The following CNBD1 variants were observed in gnomAD, a reference collection of about 807,000 sequenced individuals.
CNBD1 encodes the protein cyclic nucleotide-binding domain-containing protein 1.
A neutral mutation model predicts 54.4 loss-of-function variants in CNBD1; 71 were observed. That is an observed-to-expected ratio of 1.30 (90% CI 1.08 to 1.59). CNBD1 has a LOEUF of 1.59. CNBD1 is among the 40% of genes most tolerant of loss of function. The probability of loss-of-function intolerance (pLI) is 0.00; values close to 1 mark genes in which losing one functional copy is unlikely to be tolerated. For missense variants in CNBD1, 659 were observed against 518.0 expected, an observed-to-expected ratio of 1.27 and a Z score of -2.64; for synonymous variants, 182 against 170.7, an observed-to-expected ratio of 1.07 and a Z score of -0.51.
chr8:87,231,074 G>T (rs1814679411), intron 5 of CNBD1, among the ~76,000 whole-genome samples: 1 of 152,192 alleles, frequency 6.6e-6, no homozygotes, highest in African/African-American at 2.4e-5. Flanking sequence ...AGAGAGTAGG[G>T]GAGGTGCCAC....
chr8:86,972,809 G>A (rs867812130), intron 4 of CNBD1, among the ~76,000 whole-genome samples: 1 of 152,104 alleles, frequency 6.6e-6, no homozygotes, highest in Non-Finnish European at 1.5e-5. Flanking sequence ...TTCCTTTCTT[G>A]CCTGTTAGAC....
rs185356827 is a variant in CNBD1, at chr8:87,094,982, T to C, written c.432-111011T>C. 4.6e-5 allele frequency among the ~76,000 whole-genome samples: 7 copies of C among 152,268 alleles called. No homozygotes were observed. The East Asian group carries it at 1.2e-3, about 25-fold the overall frequency. ...TGAACCTGGGAGGCAGAGGTTGCAA[T>C]GAGCCGAGATCACGCCGTGGCACAC... On this transcript the variant is annotated intron_variant, in intron 4 of 10. Coordinates refer to ENST00000518476, the MANE Select transcript of CNBD1 (RefSeq NM_173538.3).
intron 10 of CNBD1, among the ~76,000 whole-genome samples, chr8:87,368,161 AAAAAG>A (rs71277938): frequency 0.39 from 57,781 of 148,066 alleles, 11,727 homozygotes; most frequent in Non-Finnish European, 0.45. Context: ...GATTCCATCT[AAAAAG>A]AAAAGAAAAG....
At chr8:87,382,279 G>A (rs537713957) in intron 10 of CNBD1, among the ~76,000 whole-genome samples, 3 of 151,830 alleles carry the variant, frequency 2.0e-5, no homozygotes, top group Non-Finnish European at 4.4e-5. Flanking sequence ...ATGAAACAAT[G>A]ACTGCCAACA....
At chr8:86,927,811 G>A (rs1809388727) in intron 3 of CNBD1, among the ~76,000 whole-genome samples, 1 of 152,120 alleles carries the variant, frequency 6.6e-6, no homozygotes, top group African/African-American at 2.4e-5. Flanking sequence ...CTCAGGATAA[G>A]CTGTAGGAGC....
intron 4 of CNBD1, among the ~76,000 whole-genome samples, chr8:86,959,141 GA>G (rs758256071): frequency 8.1e-4 from 124 of 152,256 alleles, no homozygotes; most frequent in Non-Finnish European, 1.4e-3. Context: ...ATTCTGGGTT[GA>G]AAATTCTTTT....
chr8:87,427,957 T>C lies in CNBD1; in HGVS notation c.214-589T>C, dbSNP rs1214703093. Among the ~76,000 whole-genome samples the C allele has an allele frequency of 1.1e-4, 17 of 152,128 alleles. 1 individual carries two copies. The highest frequency in any genetic ancestry group is 1.1e-3 in the Admixed American group (17 of 15,268). ...CCAAAGCCCCCCCAGCATACTTCCT[T>C]CTAAATCCTATTGGTTTGGTTTGGG... is the stretch of plus-strand genomic sequence containing the variant. On this transcript the variant is annotated intron_variant, in intron 2 of 7. Coordinates refer to the CNBD1 transcript ENST00000521593.
intron 4 of CNBD1, among the ~76,000 whole-genome samples, chr8:86,957,156 C>T (rs971898072): frequency 2.0e-5 from 3 of 152,178 alleles, no homozygotes; most frequent in East Asian, 3.8e-4. Flanking sequence ...GTTGAACTAG[C>T]CTTGCATCCC....
intron 4 of CNBD1, among the ~76,000 whole-genome samples, chr8:87,069,558 T>A (rs893001357): frequency 7.9e-5 from 12 of 151,940 alleles, no homozygotes; most frequent in Admixed American, 3.9e-4. Context: ...ACCATCTAGG[T>A]TTGCGTAAGG....
At position 87,422,501 on chromosome 8, in the gene CNBD1, G is replaced by T. The variant is rs1586093400; in HGVS notation, c.214-6045G>T. Among the ~76,000 whole-genome samples the T allele has an allele frequency of 2.6e-5, 4 of 151,846 alleles. No homozygotes were observed. The East Asian group carries it at 7.7e-4, about 29-fold the overall frequency. On this transcript the variant is annotated intron_variant, in intron 2 of 7. Transcript: ENST00000521593. ...TCAGCTTTCTACATATGGCTAGCCA[G>T]TTTTCCCAGCACCATTTATTAAATA...
At chr8:87,269,304 T>C (rs949957951) in intron 6 of CNBD1, among the ~76,000 whole-genome samples, 3 of 152,146 alleles carry the variant, frequency 2.0e-5, no homozygotes, top group African/African-American at 7.2e-5. Context: ...ACTAGTACTA[T>C]GCTGTTTTGG....
At chr8:87,260,647 T>G (rs1264618595) in intron 6 of CNBD1, among the ~76,000 whole-genome samples, 1 of 152,076 alleles carries the variant, frequency 6.6e-6, no homozygotes, top group African/African-American at 2.4e-5. Flanking sequence ...GATGCCAGGT[T>G]TCTGGGTTTT....
At chr8:87,270,348 A>C (rs9886390) in intron 6 of CNBD1, among the ~76,000 whole-genome samples, 1 of 151,902 alleles carries the variant, frequency 6.6e-6, no homozygotes, top group East Asian at 1.9e-4. Context: ...TGTGGCCAAC[A>C]AGCATATGAA....
At chr8:87,316,561 A>G (rs944309239) in intron 8 of CNBD1, among the ~76,000 whole-genome samples, 1 of 152,024 alleles carries the variant, frequency 6.6e-6, no homozygotes, top group Non-Finnish European at 1.5e-5. Flanking sequence ...TATACTACCA[A>G]TATAAACACA....
chr8:87,211,261 G>T (rs980510681), intron 5 of CNBD1, among the ~76,000 whole-genome samples: 6 of 152,088 alleles, frequency 3.9e-5, no homozygotes, highest in African/African-American at 1.4e-4. Context: ...AGTACTTTTT[G>T]ATTTTATAGG....
intron 5 of CNBD1, among the ~76,000 whole-genome samples, chr8:87,229,025 C>G (rs146458139): frequency 0.018 from 2,731 of 152,270 alleles, 253 homozygotes; most frequent in Admixed American, 0.16. Flanking sequence ...GGTGCGGTCC[C>G]TCACCCCTTT....
At chr8:87,391,794 C>T (rs1157493271) in intron 2 of CNBD1, among the ~76,000 whole-genome samples, 3 of 152,028 alleles carry the variant, frequency 2.0e-5, no homozygotes, top group African/African-American at 4.8e-5. Flanking sequence ...GAACCCTTTT[C>T]AGACACAAAA....
chr8:86,972,830 G>A (rs1368735576), intron 4 of CNBD1, among the ~76,000 whole-genome samples: 3 of 152,134 alleles, frequency 2.0e-5, no homozygotes. Flanking sequence ...GAGGTTGGCT[G>A]TTATCCTATT....
chr8:87,228,119 G>C (rs1486705075), intron 5 of CNBD1, among the ~76,000 whole-genome samples: 2 of 150,620 alleles, frequency 1.3e-5, no homozygotes, highest in African/African-American at 4.9e-5. Context: ...TCTCTGTATT[G>C]GTTATTCTAG....
Sources: gnomAD v4.1 joint callset for allele counts (sites outside exome capture counted in the v4.1 genomes callset) on GRCh38, gnomAD v4.1.1 for gene constraint, MANE v1.5 for transcripts, NCBI Gene and HGNC (gene_info 2026-07-23, HGNC 2026-07-21) for gene names.